The following EEFSEC variants were observed in gnomAD, a reference collection of about 807,000 sequenced individuals.
EEFSEC encodes eukaryotic elongation factor, selenocysteine-tRNA specific.
EEFSEC carries 43 observed loss-of-function variants against 42.1 expected under a neutral mutation model. That is an observed-to-expected ratio of 1.02 (90% CI 0.80 to 1.32). The LOEUF is 1.32. Ranked by LOEUF, EEFSEC falls within the 40% of genes most tolerant of loss-of-function variation. The pLI is 0.00. For synonymous variants in EEFSEC, 354 were observed against 339.1 expected (o/e 1.04, Z -0.48); for missense variants, 745 against 803.6 (o/e 0.93, Z 0.88).
the EEFSEC span, among the ~76,000 whole-genome samples, chr3:128,415,546 G>T: frequency 6.6e-6 from 1 of 152,212 alleles, no homozygotes; most frequent in African/African-American, 2.4e-5. Context: ...ACCGTGGGGG[G>T]ATCCACTCCC....
At chr3:128,321,101 C>T (rs1329935493) in intron 4 of EEFSEC, among the ~76,000 whole-genome samples, 3 of 152,126 alleles carry the variant, frequency 2.0e-5, no homozygotes, top group African/African-American at 7.2e-5. Context: ...GCCAGGCAGC[C>T]TTGGAAGGCT....
intron 1 of EEFSEC, among the ~76,000 whole-genome samples, chr3:128,200,892 T>A (rs1044717096): frequency 6.6e-6 from 1 of 152,152 alleles, no homozygotes; most frequent in African/African-American, 2.4e-5. Flanking sequence ...AGTGGAGGGC[T>A]CAATGAAGAG....
At chr3:128,342,860 A>T (rs148927294) in intron 5 of EEFSEC, among the ~76,000 whole-genome samples, 1 of 152,358 alleles carries the variant, frequency 6.6e-6, no homozygotes, top group East Asian at 1.9e-4. Context: ...AGCTGTCCAC[A>T]CAGTGCTGAG....
intron 4 of EEFSEC, among the ~76,000 whole-genome samples, chr3:128,316,216 T>G (rs1466223192): frequency 1.3e-5 from 2 of 152,232 alleles, no homozygotes; most frequent in African/African-American, 4.8e-5. Flanking sequence ...CAGGTAAAGT[T>G]AAAGTTTCCT....
chr3:128,241,568 C>T (rs969920833), intron 1 of EEFSEC, among the ~76,000 whole-genome samples: 1 of 152,124 alleles, frequency 6.6e-6, no homozygotes, highest in Non-Finnish European at 1.5e-5. Flanking sequence ...TGGTCTTGAA[C>T]TCCTGAGCTC....
intron 4 of EEFSEC, among the ~76,000 whole-genome samples, chr3:128,281,839 G>A (rs934957737): frequency 3.9e-5 from 6 of 152,294 alleles, no homozygotes; most frequent in Middle Eastern, 3.4e-3. Context: ...TGCACTCTCC[G>A]GTTCTCAGCT....
chr3:128,189,923 C>T (rs185967593), intron 1 of EEFSEC, among the ~76,000 whole-genome samples: 2 of 152,156 alleles, frequency 1.3e-5, no homozygotes, highest in Admixed American at 1.3e-4. Context: ...AGTGCAGTGG[C>T]ACGATCTTGG....
intron 6 of EEFSEC, among the ~76,000 whole-genome samples, chr3:128,403,518 G>A (rs756994883): frequency 6.6e-6 from 1 of 152,298 alleles, no homozygotes; most frequent in African/African-American, 2.4e-5. Flanking sequence ...TGGGCAGTCG[G>A]CACTCAGCAC....
chr3:128,274,232 G>A (rs2066443647), intron 4 of EEFSEC, among the ~76,000 whole-genome samples: 1 of 152,238 alleles, frequency 6.6e-6, no homozygotes, highest in Non-Finnish European at 1.5e-5. Flanking sequence ...GGCCCTGTGA[G>A]CTCAAGTGAG....
chr3:128,289,398 C>G (rs1282431324), intron 4 of EEFSEC, among the ~76,000 whole-genome samples: 2 of 152,208 alleles, frequency 1.3e-5, no homozygotes, highest in Non-Finnish European at 2.9e-5. Context: ...ATCACAAATT[C>G]AGGTGCCTTT....
At chr3:128,230,568 C>G (rs1264538566) in intron 1 of EEFSEC, among the ~76,000 whole-genome samples, 1 of 152,206 alleles carries the variant, frequency 6.6e-6, no homozygotes, top group African/African-American at 2.4e-5. Flanking sequence ...CAAGAGCACT[C>G]ATAATGATCA....
At chr3:128,396,929 C>T (rs1232032312) in intron 6 of EEFSEC, among the ~76,000 whole-genome samples, 1 of 152,234 alleles carries the variant, frequency 6.6e-6, no homozygotes, top group Non-Finnish European at 1.5e-5. Context: ...GTCAGGCCCC[C>T]TCTTGGCCAT....
At chr3:128,336,750 C>G (rs1230017296) in intron 4 of EEFSEC, among the ~76,000 whole-genome samples, 1 of 152,252 alleles carries the variant, frequency 6.6e-6, no homozygotes, top group Non-Finnish European at 1.5e-5. Context: ...CATACAGCCT[C>G]ATCCTTTTTT....
intron 4 of EEFSEC, among the ~76,000 whole-genome samples, chr3:128,299,365 T>A (rs971952689): frequency 6.6e-6 from 1 of 152,240 alleles, no homozygotes; most frequent in East Asian, 1.9e-4. Context: ...ATTTGTGTGC[T>A]TCCTTTAGAG....
intron 1 of EEFSEC, among the ~76,000 whole-genome samples, chr3:128,246,226 GCACGCA>G (rs2066125165): frequency 1.8e-5 from 1 of 54,534 alleles, no homozygotes; most frequent in African/African-American, 5.4e-5. Flanking sequence ...TCACAAGCGT[GCACGCA>G]CACACACACA....
intron 1 of EEFSEC, among the ~76,000 whole-genome samples, chr3:128,219,916 A>G (rs7642293): frequency 6.6e-6 from 1 of 152,180 alleles, no homozygotes; most frequent in Non-Finnish European, 1.5e-5. Flanking sequence ...AGCTGTGTCC[A>G]AGGAATACAG....
At chr3:128,283,409 C>T (rs1457184165) in intron 4 of EEFSEC, among the ~76,000 whole-genome samples, 1 of 152,182 alleles carries the variant, frequency 6.6e-6, no homozygotes, top group Non-Finnish European at 1.5e-5. Context: ...GGTACTTGTG[C>T]TCCAAGTATG....
intron 1 of EEFSEC, among the ~76,000 whole-genome samples, chr3:128,220,237 C>T (rs2065848887): frequency 6.6e-6 from 1 of 152,188 alleles, no homozygotes; most frequent in Non-Finnish European, 1.5e-5. Flanking sequence ...GCAAAGGTGC[C>T]TGAGTTCCTT....
At chr3:128,269,428 C>A (rs1576594707) in intron 4 of EEFSEC, among the ~76,000 whole-genome samples, 2 of 152,274 alleles carry the variant, frequency 1.3e-5, no homozygotes, top group African/African-American at 4.8e-5. Flanking sequence ...CCTCCTCTCA[C>A]CCCTGCCCTC....
Sources: allele counts gnomAD v4.1 joint callset (sites outside exome capture counted in the v4.1 genomes callset), GRCh38; gene constraint gnomAD v4.1.1; transcripts MANE v1.5; gene names NCBI Gene and HGNC (gene_info 2026-07-23, HGNC 2026-07-21).